GSAP: variants seen among roughly 807,000 people sequenced by gnomAD.
The protein encoded by GSAP is gamma-secretase-activating protein.
Under a neutral mutation model 131.7 loss-of-function variants are expected in GSAP, and 118 were observed. That is an observed-to-expected ratio of 0.90 (90% confidence interval 0.77 to 1.04). GSAP has a LOEUF of 1.04. Among genes scored for constraint, GSAP ranks in the 50% least tolerant of loss-of-function variants. The pLI is 0.00. For synonymous variants in GSAP, 381 were observed against 363.4 expected (o/e 1.05, Z -0.55); for missense variants, 1,019 against 1,013.2 (o/e 1.01, Z -0.08).
chr7:77,316,466 TA>T lies in GSAP; in HGVS notation c.2090-1978del, dbSNP rs1372016250. On this transcript the variant is annotated intron_variant, in intron 26 of 30. Transcript: ENST00000257626. ...ACAGGCTCTGCCCACAAGCATGTGT[TA>T]ATGGGCTAACAGGATGAGTCCACTA... Among the ~76,000 whole-genome samples the T allele has an allele frequency of 2.6e-5, 4 of 152,188 alleles. No individual in the cohort carries two copies. The East Asian group carries it at 5.8e-4, about 22-fold the overall frequency.
intron 14 of GSAP, among the ~76,000 whole-genome samples, chr7:77,356,997 C>A (rs12531548): frequency 0.31 from 47,374 of 152,054 alleles, 8,545 homozygotes; most frequent in African/African-American, 0.5. Context: ...TACTAGAAAA[C>A]CACAAACAAC....
chr7:77,355,786 C>CTTTTT, intron 14 of GSAP, 139 bp from the exon 15 acceptor site: 2 of 305,328 alleles, frequency 6.6e-6, no homozygotes, highest in Non-Finnish European at 1.1e-5. Flanking sequence ...AATGACAGCC[C>CTTTTT]GTTTTTTTTT....
chr7:77,319,095 G>A (rs1042286083), intron 26 of GSAP, among the ~76,000 whole-genome samples: 4 of 151,914 alleles, frequency 2.6e-5, no homozygotes, highest in East Asian at 3.9e-4. Flanking sequence ...AAAAGGAAAC[G>A]ATCCAAAGAG....
At chr7:77,368,998 A>C (rs1335882941) in intron 12 of GSAP, among the ~76,000 whole-genome samples, 1 of 152,208 alleles carries the variant, frequency 6.6e-6, no homozygotes, top group East Asian at 1.9e-4. Context: ...AACCATTTGG[A>C]CAATGAAAAC....
Position 77,397,392 on chromosome 7 carries a change from G to A in GSAP, c.267C>T (p.Asp89=). Residue 89 remains aspartate (D), a synonymous_variant, in exon 4 of 31, where the codon GAC becomes GAT. Transcript: ENST00000257626. ...TGACAGAGCAACTGAAAACTTGCAA[G>A]TCTTTCTCAAAGGTATATAGAAGCT... ...QNELLYTFEK[D]LQVFSCSVNS... 1 of 1,602,706 alleles carries A rather than the reference G, an allele frequency of 6.2e-7. No individual in the cohort carries two copies. Among genetic ancestry groups the A allele is most frequent in the Non-Finnish European group, 8.5e-7 (1 of 1,171,384 alleles).
chr7:77,382,817 CAG>C (rs1344523155), intron 6 of GSAP, among the ~76,000 whole-genome samples, 174 bp from the exon 7 acceptor site: 2 of 152,136 alleles, frequency 1.3e-5, no homozygotes, highest in Non-Finnish European at 2.9e-5. Context: ...AGCAAGAAAA[CAG>C]AACACTTTCA....
intron 5 of GSAP, among the ~76,000 whole-genome samples, chr7:77,388,883 T>C (rs868039359): frequency 3.6e-4 from 55 of 152,364 alleles, no homozygotes; most frequent in African/African-American, 1.2e-3. Flanking sequence ...TGAGTTATTA[T>C]ATTGAATCAT....
rs1792397117 is a variant in GSAP, at chr7:77,349,221, A to AAACC, written c.1545+126_1545+129dup. On this transcript the variant is annotated intron_variant, in intron 19 of 30. Coordinates refer to ENST00000257626, the MANE Select transcript of GSAP (RefSeq NM_017439.4). ...ACCCATGTAGGAAGGATTCTCCAGA[A>AAACC]AACCCACCCTACTGCCTTGCCCTCC... The AAACC allele has an allele frequency of 7.4e-6, 5 of 678,032 alleles. No homozygotes were observed. The South Asian group carries it at 8.6e-5, about 12-fold the overall frequency. The allele number at this position is 678,032 out of a possible 1,614,324, so 42.0% of individuals were successfully genotyped here.
chr7:77,315,253 G>C (rs2150587497), intron 26 of GSAP: 1 of 152,290 alleles, frequency 6.6e-6, no homozygotes, highest in East Asian at 1.9e-4. Flanking sequence ...AGTAGAAAAA[G>C]CCAGGTTTGG....
intron 19 of GSAP, among the ~76,000 whole-genome samples, chr7:77,344,471 C>A (rs1370407051): frequency 6.6e-6 from 1 of 152,172 alleles, no homozygotes. Context: ...AGGCTCCAGG[C>A]TCATTCCAGA....
intron 5 of GSAP, among the ~76,000 whole-genome samples, chr7:77,390,093 G>A (rs1563098014): frequency 6.6e-6 from 1 of 152,194 alleles, no homozygotes; most frequent in Non-Finnish European, 1.5e-5. Flanking sequence ...TTTTGAGAAA[G>A]TGTCTGTTCA....
At chr7:77,356,714 T>C (rs561863305) in intron 14 of GSAP, among the ~76,000 whole-genome samples, 2 of 152,224 alleles carry the variant, frequency 1.3e-5, no homozygotes, top group Non-Finnish European at 2.9e-5. Flanking sequence ...CCCTTGCCAA[T>C]ACTTTTTCTA....
At chr7:77,402,886 T>C (rs1410813428) in intron 3 of GSAP, among the ~76,000 whole-genome samples, 5 of 152,174 alleles carry the variant, frequency 3.3e-5, no homozygotes, top group African/African-American at 1.2e-4. Flanking sequence ...AAAGCACCTT[T>C]GTCACTGGAA....
chr7:77,393,121 C>CA (rs1202642585), intron 5 of GSAP, among the ~76,000 whole-genome samples: 2 of 151,768 alleles, frequency 1.3e-5, no homozygotes, highest in East Asian at 1.9e-4. Flanking sequence ...ACCCTGTTTA[C>CA]AAAAAAATGG....
chr7:77,349,779 C>CCT (rs1218692846), intron 18 of GSAP, among the ~76,000 whole-genome samples: 1 of 152,126 alleles, frequency 6.6e-6, no homozygotes, highest in Non-Finnish European at 1.5e-5. Flanking sequence ...AATACTCCTT[C>CCT]CTCTCTCTTC....
chr7:77,322,581 A>AG (rs1471038171), intron 24 of GSAP, among the ~76,000 whole-genome samples: 2 of 125,310 alleles, frequency 1.6e-5, no homozygotes, highest in African/African-American at 3.2e-5. Context: ...GTGTGTTGTG[A>AG]GTTTTTTTTT....
intron 14 of GSAP, among the ~76,000 whole-genome samples, chr7:77,357,663 A>G (rs555721710): frequency 9.5e-4 from 144 of 152,288 alleles, no homozygotes; most frequent in African/African-American, 3.3e-3. Flanking sequence ...ATGTTTTAAG[A>G]AGGTTTACAG....
chr7:77,328,504 C>T, intron 22 of GSAP, 102 bp downstream of exon 22: 2 of 1,526,210 alleles, frequency 1.3e-6, no homozygotes, highest in Non-Finnish European at 1.7e-6. Context: ...CACCACACTA[C>T]TGGAAGTGAT....
At chr7:77,416,015 T>C in intron 1 of GSAP, 198 bp downstream of exon 1, 1 of 443,874 alleles carries the variant, frequency 2.3e-6, no homozygotes, top group South Asian at 4.2e-5. Context: ...TGGCCCGGGC[T>C]CTGCCCCCAG....
Sources: allele counts gnomAD v4.1 joint callset (sites outside exome capture counted in the v4.1 genomes callset), GRCh38; gene constraint gnomAD v4.1.1; transcripts MANE v1.5; gene names NCBI Gene and HGNC (gene_info 2026-07-23, HGNC 2026-07-21).